CERS6: variants seen among roughly 807,000 people sequenced by gnomAD.
CERS6 encodes the protein LAG1 homolog, ceramide synthase 6.
CERS6 carries 26 observed loss-of-function variants against 56.8 expected under a neutral mutation model. That is an observed-to-expected ratio of 0.46 (90% confidence interval 0.34 to 0.63). The LOEUF (loss-of-function observed/expected upper bound fraction) is 0.63. Ranked by LOEUF, CERS6 falls within the 30% of genes least tolerant of loss-of-function variation. CERS6 has a pLI of 0.01. For synonymous variants in CERS6, 164 were observed against 173.3 expected (o/e 0.95, Z 0.42); for missense variants, 415 against 467.5 (o/e 0.89, Z 1.04).
chr2:168,690,092 A>G (rs1171654650), intron 4 of CERS6, among the ~76,000 whole-genome samples: 4 of 152,200 alleles, frequency 2.6e-5, no homozygotes, highest in Admixed American at 2.6e-4. Context: ...TTAAAAGTAT[A>G]TAGGACATAA....
intron 8 of CERS6, among the ~76,000 whole-genome samples, chr2:168,726,609 G>A (rs1208822545): frequency 6.6e-6 from 1 of 152,208 alleles, no homozygotes; most frequent in African/African-American, 2.4e-5. Context: ...AAGACCAGAT[G>A]TGTGATTTCT....
intron 1 of CERS6, among the ~76,000 whole-genome samples, chr2:168,460,360 A>G (rs1166702034): frequency 6.6e-6 from 1 of 151,844 alleles, no homozygotes; most frequent in Non-Finnish European, 1.5e-5. Flanking sequence ...AGGCCTAGCT[A>G]ATTTTTTGTA....
At position 168,611,576 on chromosome 2, in the gene CERS6, G is replaced by A. The variant is rs568073060; in HGVS notation, c.408-19409G>A. 2.6e-5 allele frequency among the ~76,000 whole-genome samples: 4 copies of A among 152,288 alleles called. No homozygotes were observed. In the South Asian group the frequency reaches 8.3e-4, roughly 32 times the overall value. The stretch of plus-strand genomic sequence containing the variant: ...CATCTTCATTGGTCGATTTATCCGT[G>A]TATCATGTCTTATTTATAACACCAC... On this transcript the variant is annotated intron_variant, in intron 3 of 9. Coordinates refer to ENST00000305747, the MANE Select transcript of CERS6 (RefSeq NM_203463.3).
At chr2:168,712,103 A>G (rs537213752) in intron 6 of CERS6, among the ~76,000 whole-genome samples, 1 of 152,336 alleles carries the variant, frequency 6.6e-6, no homozygotes. Flanking sequence ...GAACCAGGGC[A>G]GGAGCCATGA....
intron 4 of CERS6, among the ~76,000 whole-genome samples, chr2:168,669,468 G>A (rs546545374): frequency 6.6e-6 from 1 of 152,302 alleles, no homozygotes; most frequent in East Asian, 1.9e-4. Flanking sequence ...TCAACTTAAT[G>A]TTGGGGTTCT....
chr2:168,580,628 T>C (rs754535879), intron 3 of CERS6, among the ~76,000 whole-genome samples: 9 of 152,220 alleles, frequency 5.9e-5, no homozygotes, highest in Non-Finnish European at 1.5e-5. Flanking sequence ...TAATTCATTT[T>C]TGTACCCAGA....
intron 4 of CERS6, among the ~76,000 whole-genome samples, chr2:168,656,583 C>T (rs1419531298): frequency 6.6e-6 from 1 of 151,624 alleles, no homozygotes; most frequent in Non-Finnish European, 1.5e-5. Context: ...TTCTTTCCTC[C>T]CGGTGGGCTC....
chr2:168,730,256 T>C (rs554486280), intron 8 of CERS6, among the ~76,000 whole-genome samples: 3 of 152,322 alleles, frequency 2.0e-5, no homozygotes, highest in Admixed American at 2.0e-4. Flanking sequence ...CAGCTGGTCA[T>C]AAAACAGAAA....
chr2:168,631,036 GA>G lies in CERS6; in HGVS notation c.464del (p.Lys155ArgfsTer38). On this transcript the variant is annotated frameshift_variant, in exon 4 of 10. Coordinates refer to ENST00000305747, the MANE Select transcript of CERS6 (RefSeq NM_203463.3). LOFTEE classifies it high-confidence loss of function. ...TATTTACCTACGGAGTCAGATTCCT[GA>G]AAAAGGTAGGATCTCTCAAACTATT... is the stretch of plus-strand genomic sequence containing the variant. ...YVFTYGVRFL[K>X]KTPWLWNTRH... 4 of 1,495,512 alleles carry G rather than the reference GA, an allele frequency of 2.7e-6. No homozygotes were observed. The highest frequency in any genetic ancestry group is 3.7e-6 in the Non-Finnish European group (4 of 1,092,230). 92.6% of individuals were successfully genotyped at this position (1,495,512 alleles called of 1,614,324 possible).
chr2:168,511,222 T>G (rs968458027), intron 1 of CERS6, among the ~76,000 whole-genome samples: 1 of 152,244 alleles, frequency 6.6e-6, no homozygotes, highest in African/African-American at 2.4e-5. Context: ...TTTCATGATT[T>G]AATTCTACAT....
At chr2:168,602,444 T>C (rs1222417864) in intron 3 of CERS6, among the ~76,000 whole-genome samples, 2 of 152,246 alleles carry the variant, frequency 1.3e-5, no homozygotes, top group Admixed American at 6.5e-5. Flanking sequence ...TTTATAGCTT[T>C]AATAAATTTT....
At chr2:168,470,212 CAAAAAAAAAAA>C (rs752453936) in intron 1 of CERS6, among the ~76,000 whole-genome samples, 1 of 105,678 alleles carries the variant, frequency 9.5e-6, no homozygotes, top group Admixed American at 1.1e-4. Flanking sequence ...CCAACTCTAC[CAAAAAAAAAAA>C]AAAAAAAAAA....
chr2:168,727,907 C>T (rs1010433116), intron 8 of CERS6, among the ~76,000 whole-genome samples: 3 of 152,204 alleles, frequency 2.0e-5, no homozygotes, highest in African/African-American at 7.2e-5. Flanking sequence ...GTAAGTCTTA[C>T]ATCTATCAGC....
At chr2:168,536,364 A>G (rs1445592844) in intron 1 of CERS6, among the ~76,000 whole-genome samples, 1 of 152,208 alleles carries the variant, frequency 6.6e-6, no homozygotes, top group Admixed American at 6.5e-5. Flanking sequence ...TCTAATGTAC[A>G]TGAGGCCTGA....
chr2:168,499,039 C>A (rs1490297696), intron 1 of CERS6, among the ~76,000 whole-genome samples: 2 of 152,122 alleles, frequency 1.3e-5, no homozygotes, highest in Non-Finnish European at 2.9e-5. Flanking sequence ...ACATTCTCCC[C>A]CTTTTGGCTG....
At chr2:168,614,927 T>C (rs1684279881) in intron 3 of CERS6, among the ~76,000 whole-genome samples, 1 of 151,982 alleles carries the variant, frequency 6.6e-6, no homozygotes, top group Admixed American at 6.6e-5. Flanking sequence ...CACAAAATAG[T>C]TCATTAAACA....
At chr2:168,702,635 A>G (rs918929025) in intron 6 of CERS6, among the ~76,000 whole-genome samples, 2 of 152,258 alleles carry the variant, frequency 1.3e-5, no homozygotes, top group Non-Finnish European at 2.9e-5. Flanking sequence ...TATTTTCCAG[A>G]TAACTAATGC....
intron 3 of CERS6, among the ~76,000 whole-genome samples, chr2:168,587,241 G>T (rs1462621634): frequency 6.6e-6 from 1 of 152,076 alleles, no homozygotes; most frequent in Non-Finnish European, 1.5e-5. Flanking sequence ...TATTGAAATG[G>T]AATCATTATG....
At chr2:168,473,226 C>G (rs929920097) in intron 1 of CERS6, among the ~76,000 whole-genome samples, 6 of 151,722 alleles carry the variant, frequency 4.0e-5, no homozygotes, top group African/African-American at 9.7e-5. Flanking sequence ...TTTTTCACAC[C>G]TGCCTACCAT....
Sources: gnomAD v4.1 joint callset for allele counts (sites outside exome capture counted in the v4.1 genomes callset) on GRCh38, gnomAD v4.1.1 for gene constraint, MANE v1.5 for transcripts, NCBI Gene and HGNC (gene_info 2026-07-23, HGNC 2026-07-21) for gene names.